The following RALGAPA2 variants were observed in gnomAD, a reference collection of about 807,000 sequenced individuals.
RALGAPA2 encodes the protein ral GTPase-activating protein subunit alpha-2.
In RALGAPA2, 139 loss-of-function variants were observed where a neutral mutation model predicts 230.4. The ratio of observed to expected loss-of-function variants is 0.60; its 90% confidence interval spans 0.53 to 0.69. The LOEUF (loss-of-function observed/expected upper bound fraction) is 0.69, where lower values mean the gene tolerates loss of function less well. Among genes scored for constraint, RALGAPA2 ranks in the 30% least tolerant of loss-of-function variants. The pLI, the probability that RALGAPA2 is intolerant of heterozygous loss-of-function variation, is 0.00. For synonymous variants in RALGAPA2, 847 were observed against 837.8 expected (o/e 1.01, Z -0.19); for missense variants, 2,163 against 2,276.0 (o/e 0.95, Z 1.01).
At chr20:20,594,375 C>G (rs1347608077) in intron 16 of RALGAPA2, among the ~76,000 whole-genome samples, 1 of 152,074 alleles carries the variant, frequency 6.6e-6, no homozygotes, top group East Asian at 1.9e-4. Flanking sequence ...TAAATCTGCT[C>G]TCATTCTGTG....
Position 20,396,682 on chromosome 20 carries a change from GTGTC to G in RALGAPA2, c.*35+9_*35+12del, listed in dbSNP as rs753802218. The G allele has an allele frequency of 4.4e-6, 7 of 1,604,890 alleles. No individual in the cohort carries two copies. The highest frequency in any genetic ancestry group is 6.0e-6 in the Non-Finnish European group (7 of 1,173,002). Reference sequence around the variant, plus strand: ...AGGGTGGCTGGACAAATCCACTGAAGTGTCTGTCTTACCTTGCTCAAATATTGAA... The same window carrying G: ...AGGGTGGCTGGACAAATCCACTGAAGTGTCTTACCTTGCTCAAATATTGAA... On this transcript the variant is annotated intron_variant, in intron 39 of 39. Coordinates refer to ENST00000202677, the MANE Select transcript of RALGAPA2 (RefSeq NM_020343.4).
chr20:20,605,031 C>A, intron 15 of RALGAPA2, 144 bp downstream of exon 15: 1 of 671,796 alleles, frequency 1.5e-6, no homozygotes, highest in Admixed American at 2.6e-5. Flanking sequence ...TGATATGAGA[C>A]ACAAATTAAT....
At chr20:20,478,246 C>A (rs931231397) in intron 36 of RALGAPA2, among the ~76,000 whole-genome samples, 4 of 152,090 alleles carry the variant, frequency 2.6e-5, no homozygotes, top group Non-Finnish European at 5.9e-5. Context: ...GATATTATAA[C>A]TTATACCTTA....
chr20:20,497,414 T>C (rs1306293482), intron 35 of RALGAPA2, among the ~76,000 whole-genome samples: 1 of 152,154 alleles, frequency 6.6e-6, no homozygotes. Flanking sequence ...GGGGCTGTCC[T>C]AGAGTTCACA....
At chr20:20,614,681 C>T (rs1212286400) in intron 13 of RALGAPA2, among the ~76,000 whole-genome samples, 2 of 152,186 alleles carry the variant, frequency 1.3e-5, no homozygotes, top group Admixed American at 1.3e-4. Context: ...TTCTGCACAC[C>T]AAGATTCTTG....
At chr20:20,393,951 G>C (rs560863543) in intron 39 of RALGAPA2, among the ~76,000 whole-genome samples, 45 of 152,278 alleles carry the variant, frequency 3.0e-4, no homozygotes, top group African/African-American at 8.9e-4. Context: ...CGTTCTGCGA[G>C]CGAGAGGATC....
At chr20:20,584,264 C>T (rs2065069717) in intron 19 of RALGAPA2, among the ~76,000 whole-genome samples, 2 of 152,168 alleles carry the variant, frequency 1.3e-5, no homozygotes. Context: ...CTTCAATGTA[C>T]TTCTGATGCT....
chr20:20,427,846 A>C (rs2060419930), intron 37 of RALGAPA2, among the ~76,000 whole-genome samples: 1 of 152,044 alleles, frequency 6.6e-6, no homozygotes, highest in African/African-American at 2.4e-5. Flanking sequence ...CATCAAGTGC[A>C]GAGCAGATAC....
intron 38 of RALGAPA2, among the ~76,000 whole-genome samples, chr20:20,400,865 A>G (rs2059818863): frequency 6.6e-6 from 1 of 152,244 alleles, no homozygotes; most frequent in Non-Finnish European, 1.5e-5. Context: ...GAAATGGAAT[A>G]CCGATATGGG....
At chr20:20,605,794 C>T (rs906763352) in intron 14 of RALGAPA2, among the ~76,000 whole-genome samples, 3 of 152,174 alleles carry the variant, frequency 2.0e-5, no homozygotes, top group African/African-American at 7.2e-5. Context: ...ACCAAATCCT[C>T]CCTGACTTTG....
chr20:20,562,831 C>T (rs2064298079), intron 23 of RALGAPA2, among the ~76,000 whole-genome samples: 1 of 152,082 alleles, frequency 6.6e-6, no homozygotes, highest in African/African-American at 2.4e-5. Context: ...ATTATTGATT[C>T]TACAGCTATA....
intron 16 of RALGAPA2, among the ~76,000 whole-genome samples, chr20:20,595,967 C>T (rs2065441697): frequency 6.6e-6 from 1 of 151,510 alleles, no homozygotes; most frequent in Admixed American, 6.6e-5. Flanking sequence ...AAAAAACAAA[C>T]AAAAAACAAA....
At chr20:20,441,435 A>T (rs969422686) in intron 37 of RALGAPA2, among the ~76,000 whole-genome samples, 1 of 152,214 alleles carries the variant, frequency 6.6e-6, no homozygotes, top group African/African-American at 2.4e-5. Flanking sequence ...AACAGCTAGA[A>T]TGTCACCTTG....
At position 20,670,208 on chromosome 20, in the gene RALGAPA2, T is replaced by C. The variant is rs574128443; in HGVS notation, c.270+6028A>G. 1.4e-4 allele frequency among the ~76,000 whole-genome samples: 22 copies of C among 152,348 alleles called. 1 individual carries two copies. In the Middle Eastern group the frequency reaches 0.01, roughly 71 times the overall value. On this transcript the variant is annotated intron_variant, in intron 3 of 39. Transcript: ENST00000202677. ...TGACACAGTGCATACCTAATAAATG[T>C]GTCTGATGAATAAATGAATTGTAAA...
At chr20:20,685,265 C>T (rs1192461388) in intron 1 of RALGAPA2, among the ~76,000 whole-genome samples, 2 of 152,094 alleles carry the variant, frequency 1.3e-5, no homozygotes, top group Non-Finnish European at 2.9e-5. Flanking sequence ...AGAATAAGAC[C>T]CGAGGCCCTC....
chr20:20,438,321 T>C (rs994846896), intron 37 of RALGAPA2, among the ~76,000 whole-genome samples: 19 of 152,242 alleles, frequency 1.2e-4, no homozygotes, highest in Admixed American at 1.2e-3. Flanking sequence ...ATTTAATGCA[T>C]GAATAAAGGC....
At chr20:20,647,008 T>C (rs1271604473) in intron 4 of RALGAPA2, among the ~76,000 whole-genome samples, 1 of 152,118 alleles carries the variant, frequency 6.6e-6, no homozygotes, top group Non-Finnish European at 1.5e-5. Flanking sequence ...AAGAATGTAT[T>C]ATAATATTAC....
Position 20,629,597 on chromosome 20 carries a change from G to A in RALGAPA2, c.1006-7C>T, listed in dbSNP as rs775014646. 1 of 1,612,520 alleles carries A rather than the reference G, an allele frequency of 6.2e-7. No homozygotes were observed. The highest frequency in any genetic ancestry group is 1.3e-5 in the African/African-American group (1 of 74,894). The stretch of plus-strand genomic sequence containing the variant: ...CAGCACCACCACCAACAGTCTGGAA[G>A]AAAGTCAGCACACTTCTCAATGATG... On this transcript the variant is annotated splice_polypyrimidine_tract_variant and splice_region_variant and intron_variant, in intron 9 of 39. Coordinates refer to ENST00000202677, the MANE Select transcript of RALGAPA2 (RefSeq NM_020343.4).
At chr20:20,477,576 T>G (rs2123440042) in intron 36 of RALGAPA2, among the ~76,000 whole-genome samples, 1 of 152,304 alleles carries the variant, frequency 6.6e-6, no homozygotes, top group African/African-American at 2.4e-5. Context: ...ACAGCCACAC[T>G]TATCCACTTA....
Sources: allele counts gnomAD v4.1 joint callset (sites outside exome capture counted in the v4.1 genomes callset), GRCh38; gene constraint gnomAD v4.1.1; transcripts MANE v1.5; gene names NCBI Gene and HGNC (gene_info 2026-07-23, HGNC 2026-07-21).